The following CDH13 variants were observed in gnomAD, a reference collection of about 807,000 sequenced individuals.
The protein encoded by CDH13 is cadherin 13, also known as cadherin-13.
A neutral mutation model predicts 63.8 loss-of-function variants in CDH13; 24 were observed. That is an observed-to-expected ratio of 0.38 (90% CI 0.27 to 0.53). The LOEUF (loss-of-function observed/expected upper bound fraction) is 0.53. Among genes scored for constraint, CDH13 ranks in the 20% least tolerant of loss-of-function variants. CDH13 has a pLI of 0.85. For missense variants in CDH13, 1,049 were observed against 903.1 expected (o/e 1.16, Z -2.07); for synonymous variants, 503 against 355.3 (o/e 1.42, Z -4.67).
At chr16:83,719,646 C>T (rs1208899647) in intron 10 of CDH13, among the ~76,000 whole-genome samples, 1 of 152,150 alleles carries the variant, frequency 6.6e-6, no homozygotes, top group Non-Finnish European at 1.5e-5. Flanking sequence ...GAATTTAAAC[C>T]CCCACGGTGA....
intron 1 of CDH13, among the ~76,000 whole-genome samples, chr16:82,716,951 A>G (rs147588014): frequency 1.3e-5 from 2 of 151,738 alleles, no homozygotes; most frequent in African/African-American, 2.4e-5. Flanking sequence ...AGAAGGGACA[A>G]TTAGAGACTT....
chr16:83,103,243 C>CTTTTTT (rs35812420), intron 3 of CDH13, among the ~76,000 whole-genome samples: 9 of 91,212 alleles, frequency 9.9e-5, no homozygotes, highest in South Asian at 8.6e-4. Context: ...GTTAACTGAA[C>CTTTTTT]TTTTTTTTTT....
intron 3 of CDH13, among the ~76,000 whole-genome samples, chr16:83,079,767 T>C (rs1172372428): frequency 6.6e-6 from 1 of 152,194 alleles, no homozygotes; most frequent in Admixed American, 6.5e-5. Context: ...AGTCAAGTTG[T>C]TTTTGAGAAC....
intron 4 of CDH13, among the ~76,000 whole-genome samples, chr16:83,197,196 C>T (rs1230027885): frequency 1.3e-5 from 2 of 151,996 alleles, no homozygotes; most frequent in African/African-American, 4.8e-5. Context: ...AGGTTGCATA[C>T]TATATGATTC....
chr16:83,072,255 C>G (rs1048489925), intron 3 of CDH13, among the ~76,000 whole-genome samples: 4 of 152,166 alleles, frequency 2.6e-5, no homozygotes, highest in African/African-American at 9.6e-5. Flanking sequence ...AGAAACCAAA[C>G]TCACTTGTCC....
At chr16:83,658,662 C>T (rs1001199706) in intron 8 of CDH13, among the ~76,000 whole-genome samples, 7 of 151,806 alleles carry the variant, frequency 4.6e-5, no homozygotes, top group Non-Finnish European at 1.0e-4. Context: ...GTCCCATATC[C>T]TCACCAGCAA....
At chr16:83,529,418 C>G (rs1250361867) in intron 7 of CDH13, among the ~76,000 whole-genome samples, 1 of 151,942 alleles carries the variant, frequency 6.6e-6, no homozygotes, top group Non-Finnish European at 1.5e-5. Flanking sequence ...TTTGTAGGTA[C>G]AAAAAATAAA....
At chr16:83,703,895 C>G (rs1567531324) in intron 10 of CDH13, among the ~76,000 whole-genome samples, 1 of 152,182 alleles carries the variant, frequency 6.6e-6, no homozygotes. Context: ...ACCTTTTCAG[C>G]CACCGTAACA....
intron 1 of CDH13, among the ~76,000 whole-genome samples, chr16:82,649,101 G>T (rs183483228): frequency 2.6e-5 from 4 of 152,194 alleles, no homozygotes; most frequent in African/African-American, 9.7e-5. Context: ...GAGTGAGCGC[G>T]CACCGGCTTT....
At chr16:82,988,341 A>C (rs1567721620) in intron 2 of CDH13, among the ~76,000 whole-genome samples, 1 of 152,140 alleles carries the variant, frequency 6.6e-6, no homozygotes, top group South Asian at 2.1e-4. Flanking sequence ...TTTCTTGGCA[A>C]ATCAGTGAAA....
At position 83,352,042 on chromosome 16, in the gene CDH13, C is replaced by T. The variant is rs770807226; in HGVS notation, c.781+7036C>T. Among the ~76,000 whole-genome samples, 7 of 152,244 alleles carry T rather than the reference C, an allele frequency of 4.6e-5. No individual in the cohort carries two copies. In the Middle Eastern group the frequency reaches 0.014, roughly 296 times the overall value. ...AGGAATGCAGTGGTTGAGACTGGCC[C>T]CTTTCCTTAGGTCATCACTGGAATT... On this transcript the variant is annotated intron_variant, in intron 6 of 13. Coordinates refer to ENST00000567109, the MANE Select transcript of CDH13 (RefSeq NM_001257.5).
At chr16:83,510,738 G>T (rs6563922) in intron 7 of CDH13, among the ~76,000 whole-genome samples, 10 of 152,206 alleles carry the variant, frequency 6.6e-5, no homozygotes, top group African/African-American at 9.7e-5. Context: ...CTAAGCCAAA[G>T]GGGGTTTGGG....
At chr16:83,342,421 A>G (rs2151359591) in intron 5 of CDH13, among the ~76,000 whole-genome samples, 1 of 152,356 alleles carries the variant, frequency 6.6e-6, no homozygotes, top group South Asian at 2.1e-4. Context: ...TTATTAAATT[A>G]ACTTTAAGAA....
chr16:83,759,349 T>G (rs1279010784), intron 11 of CDH13, among the ~76,000 whole-genome samples: 1 of 152,210 alleles, frequency 6.6e-6, no homozygotes, highest in Non-Finnish European at 1.5e-5. Context: ...ACATATTTTT[T>G]AAAATGCATC....
intron 6 of CDH13, among the ~76,000 whole-genome samples, chr16:83,447,133 T>G (rs184113194): frequency 0.17 from 19,876 of 118,568 alleles, 2,341 homozygotes; most frequent in Non-Finnish European, 0.22. Flanking sequence ...TTTTGGTTTG[T>G]GCTGGATGCG....
At chr16:83,008,424 C>T (rs773459134) in intron 2 of CDH13, among the ~76,000 whole-genome samples, 12 of 152,082 alleles carry the variant, frequency 7.9e-5, no homozygotes, top group Non-Finnish European at 1.2e-4. Context: ...GGCCCTGAGG[C>T]GGAGAATGCC....
chr16:82,666,296 A>G (rs987236024), intron 1 of CDH13, among the ~76,000 whole-genome samples: 1 of 152,248 alleles, frequency 6.6e-6, no homozygotes, highest in South Asian at 2.1e-4. Flanking sequence ...TGCCACAGGC[A>G]GTATCTTGTG....
At chr16:82,924,407 C>T (rs984522231) in intron 2 of CDH13, among the ~76,000 whole-genome samples, 5 of 152,146 alleles carry the variant, frequency 3.3e-5, no homozygotes, top group Admixed American at 2.6e-4. Context: ...TCTAGTAATA[C>T]AGTAATGTCA....
chr16:83,275,997 TATAAC>T (rs1274054113), intron 5 of CDH13, among the ~76,000 whole-genome samples: 4 of 152,226 alleles, frequency 2.6e-5, no homozygotes, highest in South Asian at 4.1e-4. Flanking sequence ...TTTAAACAAT[TATAAC>T]AGAAGGAAAA....
Sources: gnomAD v4.1 joint callset for allele counts (sites outside exome capture counted in the v4.1 genomes callset) on GRCh38, gnomAD v4.1.1 for gene constraint, MANE v1.5 for transcripts, NCBI Gene and HGNC (gene_info 2026-07-23, HGNC 2026-07-21) for gene names.